The following TCERG1 variants were observed in gnomAD, a reference collection of about 807,000 sequenced individuals.
The protein encoded by TCERG1 is TATA box binding protein (TBP)-associated factor, RNA polymerase II, S, 150kD.
In TCERG1, 37 loss-of-function variants were observed where a neutral mutation model predicts 144.7. That is an observed-to-expected ratio of 0.26 (90% CI 0.20 to 0.34). TCERG1 has a LOEUF of 0.34. TCERG1 is among the 10% of genes least tolerant of loss of function. The pLI is 1.00. For synonymous variants in TCERG1, 492 were observed against 458.2 expected, an observed-to-expected ratio of 1.07 and a Z score of -0.94; for missense variants, 1,027 against 1,380.7, an observed-to-expected ratio of 0.74 and a Z score of 4.06.
Position 146,506,493 on chromosome 5 carries a change from T to C in TCERG1, c.2782-535T>C, listed in dbSNP as rs191617470. On this transcript the variant is annotated intron_variant, in intron 19 of 22. Transcript: ENST00000679501. ...TGTTTAACATATTCATCACTTTGTT[T>C]GCTTATAATTTTTTGTGGTGAGACA... 2.4e-4 allele frequency among the ~76,000 whole-genome samples: 36 copies of C among 152,350 alleles called. 1 individual carries two copies. Among genetic ancestry groups the C allele is most frequent in the Admixed American group, 1.1e-3 (17 of 15,302 alleles).
intron 2 of TCERG1, among the ~76,000 whole-genome samples, chr5:146,456,182 T>C (rs1246104257): frequency 6.6e-6 from 1 of 152,246 alleles, no homozygotes; most frequent in Non-Finnish European, 1.5e-5. Context: ...AATAATTTTA[T>C]GGCCTTCCTA....
intron 9 of TCERG1, among the ~76,000 whole-genome samples, chr5:146,476,997 C>G (rs369577437): frequency 6.6e-6 from 1 of 152,076 alleles, no homozygotes; most frequent in African/African-American, 2.4e-5. Context: ...CTGCTGGCTT[C>G]GAGTGATCCT....
chr5:146,461,135 CAGTA>C (rs1763293596), intron 4 of TCERG1, among the ~76,000 whole-genome samples: 2 of 152,160 alleles, frequency 1.3e-5, no homozygotes, highest in African/African-American at 4.8e-5. Flanking sequence ...AGTAGTGTGT[CAGTA>C]AGCTCATAGC....
rs544912892 is a variant in TCERG1, at chr5:146,483,219, G to A, written c.2074-321G>A. Among the ~76,000 whole-genome samples, 295 of 152,208 alleles carry A rather than the reference G, an allele frequency of 1.9e-3. 1 individual carries two copies. The highest frequency in any genetic ancestry group is 3.2e-3 in the Non-Finnish European group (218 of 67,982). On this transcript the variant is annotated intron_variant, in intron 14 of 22. Coordinates refer to ENST00000679501, the MANE Select transcript of TCERG1 (RefSeq NM_001382548.1). The stretch of plus-strand genomic sequence containing the variant: ...AATCACAACATTGTTCACAAGATTG[G>A]AGCAAGCATGAGAAATCAAAATATA...
chr5:146,462,009 T>C (rs1763374704), intron 4 of TCERG1: 1 of 152,648 alleles, frequency 6.6e-6, no homozygotes, highest in African/African-American at 2.4e-5. Context: ...TATGATACTG[T>C]ACCCTAAGGC....
At chr5:146,456,148 G>T (rs949317367) in intron 2 of TCERG1, among the ~76,000 whole-genome samples, 2 of 152,210 alleles carry the variant, frequency 1.3e-5, no homozygotes, top group African/African-American at 4.8e-5. Context: ...GGTTATGGAA[G>T]AGACAGGTTT....
chr5:146,453,117 A>G (rs1302569477), intron 1 of TCERG1, among the ~76,000 whole-genome samples: 1 of 152,170 alleles, frequency 6.6e-6, no homozygotes, highest in East Asian at 1.9e-4. Context: ...GGGGGAAGAG[A>G]TAGATAATAC....
chr5:146,448,167 A>G (rs1762058532), intron 1 of TCERG1, among the ~76,000 whole-genome samples: 1 of 152,170 alleles, frequency 6.6e-6, no homozygotes, highest in South Asian at 2.1e-4. Flanking sequence ...AGGTGAGATA[A>G]CAGCCTCGTG....
At chr5:146,499,969 C>T (rs937442428) in intron 17 of TCERG1, 1 of 151,826 alleles carries the variant, frequency 6.6e-6, no homozygotes, top group African/African-American at 2.4e-5. Context: ...CTCCCGAGTT[C>T]CGGTACTTTA....
chr5:146,501,475 C>T (rs1191328398), intron 17 of TCERG1, among the ~76,000 whole-genome samples: 1 of 152,164 alleles, frequency 6.6e-6, no homozygotes, highest in Non-Finnish European at 1.5e-5. Flanking sequence ...ATAATCCTTA[C>T]TTTATAGGTT....
chr5:146,480,283 G>T, intron 12 of TCERG1, 189 bp downstream of exon 12: 1 of 419,834 alleles, frequency 2.4e-6, no homozygotes, highest in East Asian at 3.9e-5. Flanking sequence ...TAGATTTGTA[G>T]AAGATTTGGG....
intron 16 of TCERG1, among the ~76,000 whole-genome samples, chr5:146,495,466 T>C (rs1335440361): frequency 6.6e-6 from 1 of 152,242 alleles, no homozygotes; most frequent in Non-Finnish European, 1.5e-5. Context: ...GAATATACAT[T>C]TTTATTTTAC....
chr5:146,507,901 TA>T lies in TCERG1; in HGVS notation c.2998del (p.Ile1000SerfsTer41). Reference protein sequence around the residue: ...AITLTSTWKEVKKIIKEDPRC... With the variant: ...AITLTSTWKEXKKIIKEDPRC... The stretch of plus-strand genomic sequence containing the variant: ...ACCTTAACATCCACGTGGAAAGAAG[TA>T]AAAAAAATCATTAAGGAAGATCCTC... On this transcript the variant is annotated frameshift_variant, in exon 21 of 23. Coordinates refer to ENST00000679501, the MANE Select transcript of TCERG1 (RefSeq NM_001382548.1). LOFTEE classifies it high-confidence loss of function. The surrounding 1 kb of genome is among the most constrained non-coding windows in gnomAD (Gnocchi z 4.6). 4 of 1,609,450 alleles carry T rather than the reference TA, an allele frequency of 2.5e-6. No individual in the cohort carries two copies. Among genetic ancestry groups the T allele is most frequent in the Admixed American group, 1.7e-5 (1 of 59,462 alleles).
At chr5:146,458,476 C>G (rs1050974919) in intron 3 of TCERG1, among the ~76,000 whole-genome samples, 1 of 150,190 alleles carries the variant, frequency 6.7e-6, no homozygotes, top group Non-Finnish European at 1.5e-5. Context: ...CCGCGCCCAG[C>G]TATTTTTTAT....
intron 17 of TCERG1, 21 bp downstream of exon 17, chr5:146,498,707 G>C: frequency 6.3e-7 from 1 of 1,598,724 alleles, no homozygotes; most frequent in Middle Eastern, 1.7e-4. Flanking sequence ...TTTAGTTCCA[G>C]TGGTGTGATT....
intron 19 of TCERG1, among the ~76,000 whole-genome samples, chr5:146,505,231 C>T (rs540163235): frequency 1.8e-4 from 28 of 152,252 alleles, no homozygotes; most frequent in Admixed American, 1.5e-3. Context: ...ACACCCTGGA[C>T]AATTACAGTA....
chr5:146,498,739 G>A, intron 17 of TCERG1, 53 bp downstream of exon 17: 3 of 1,548,278 alleles, frequency 1.9e-6, no homozygotes, highest in Non-Finnish European at 2.6e-6. Context: ...GAATGGGAAA[G>A]GTCTATGCTG....
At position 146,478,517 on chromosome 5, in the gene TCERG1, G is replaced by A. The variant is rs1164695671; in HGVS notation, c.1626G>A (p.Glu542=). 1.2e-6 allele frequency: 2 copies of A among 1,604,524 alleles called. No individual in the cohort carries two copies. The highest frequency in any genetic ancestry group is 1.3e-5 in the African/African-American group (1 of 74,454). ...TPWCVVWTGD[E]RVFFYNPTTR... ...GGTGTGTCGTTTGGACTGGTGATGA[G>A]CGGGTCTTCTTTTATAATCCCACCA... Residue 542 remains glutamate (E), a synonymous_variant, in exon 10 of 23, where the codon GAG becomes GAA. Transcript: ENST00000679501.
Position 146,457,295 on chromosome 5 carries a change from C to T in TCERG1, c.398C>T (p.Thr133Met), listed in dbSNP as rs763003162. Residue 133 changes from threonine (T) to methionine (M), a missense_variant, in exon 3 of 23, where the codon ACG (threonine) becomes ATG (methionine). Transcript: ENST00000679501. ...TAPGTPALPPTEEIWVENKTP... is the reference protein window; with the variant it reads ...TAPGTPALPPMEEIWVENKTP... The stretch of plus-strand genomic sequence containing the variant: ...CCTGGTACTCCAGCACTACCTCCTA[C>T]GGAGGAGATATGGGTTGAAAATAAA... 1.7e-5 allele frequency: 28 copies of T among 1,613,426 alleles called. No individual in the cohort carries two copies. Among genetic ancestry groups the T allele is most frequent in the East Asian group, 2.2e-5 (1 of 44,882 alleles).
Sources: gnomAD v4.1 joint callset for allele counts (sites outside exome capture counted in the v4.1 genomes callset) on GRCh38, gnomAD v4.1.1 for gene constraint, Gnocchi (gnomAD v3.1) non-coding constraint, MANE v1.5 for transcripts, NCBI Gene and HGNC (gene_info 2026-07-23, HGNC 2026-07-21) for gene names.